The following PGCKA1 variants were observed in gnomAD, a reference collection of about 807,000 sequenced individuals.
PGCKA1 encodes the protein PDCD10 and GCKIII kinases-associated protein 1.
At chr4:37,523,535 G>A in the PGCKA1 span, among the ~76,000 whole-genome samples, 1 of 152,126 alleles carries the variant, frequency 6.6e-6, no homozygotes, top group African/African-American at 2.4e-5. Context: ...AGGGATGACT[G>A]TTGGAGCCTC....
chr4:37,472,496 A>T, the PGCKA1 span, among the ~76,000 whole-genome samples: 1 of 152,202 alleles, frequency 6.6e-6, no homozygotes, highest in South Asian at 2.1e-4. Context: ...CTTATTTAAA[A>T]ATAAAATAAT....
chr4:37,586,801 T>C, the PGCKA1 span, among the ~76,000 whole-genome samples: 1 of 152,044 alleles, frequency 6.6e-6, no homozygotes, highest in Admixed American at 6.5e-5. Context: ...TCCCAGCTAC[T>C]GGGGAGGCTG....
At chr4:37,498,800 A>G in the PGCKA1 span, among the ~76,000 whole-genome samples, 1 of 152,250 alleles carries the variant, frequency 6.6e-6, no homozygotes, top group African/African-American at 2.4e-5. Context: ...CCTTCTTCCT[A>G]TTTGGATACT....
chr4:37,593,289 G>A, the PGCKA1 span, among the ~76,000 whole-genome samples: 1 of 152,176 alleles, frequency 6.6e-6, no homozygotes, highest in Non-Finnish European at 1.5e-5. Flanking sequence ...GAAGTCTGGA[G>A]TTAGTGATCC....
chr4:37,506,786 A>G, the PGCKA1 span, among the ~76,000 whole-genome samples: 1 of 152,062 alleles, frequency 6.6e-6, no homozygotes, highest in East Asian at 1.9e-4. Flanking sequence ...GTAAATATCT[A>G]TTGATTCCAT....
At chr4:37,534,317 T>C in the PGCKA1 span, among the ~76,000 whole-genome samples, 1 of 152,238 alleles carries the variant, frequency 6.6e-6, no homozygotes, top group African/African-American at 2.4e-5. Flanking sequence ...AAATCCATTC[T>C]GGCTTGGCCA....
At chr4:37,547,797 A>G in the PGCKA1 span, among the ~76,000 whole-genome samples, 2 of 152,312 alleles carry the variant, frequency 1.3e-5, no homozygotes, top group South Asian at 4.1e-4. Context: ...TACCAATTCT[A>G]AGTTAATTTA....
At chr4:37,522,352 G>A in the PGCKA1 span, among the ~76,000 whole-genome samples, 1 of 152,158 alleles carries the variant, frequency 6.6e-6, no homozygotes, top group African/African-American at 2.4e-5. Flanking sequence ...TCACCCCATA[G>A]CCACCACCAT....
chr4:37,464,801 C>A, the PGCKA1 span, among the ~76,000 whole-genome samples: 1 of 152,056 alleles, frequency 6.6e-6, no homozygotes, highest in Non-Finnish European at 1.5e-5. Flanking sequence ...CTAAATATAC[C>A]CCAAGCATGT....
chr4:37,533,620 C>T, the PGCKA1 span, among the ~76,000 whole-genome samples: 1 of 152,058 alleles, frequency 6.6e-6, no homozygotes, highest in South Asian at 2.1e-4. Context: ...ATATTTCTAA[C>T]ACTTGTTAAT....
At chr4:37,517,282 A>AT in the PGCKA1 span, among the ~76,000 whole-genome samples, 1 of 147,680 alleles carries the variant, frequency 6.8e-6, no homozygotes, top group African/African-American at 2.5e-5. Context: ...TATATATATA[A>AT]ATATGTATAA....
chr4:37,500,446 C>T, the PGCKA1 span, among the ~76,000 whole-genome samples: 6 of 152,154 alleles, frequency 3.9e-5, no homozygotes, highest in Non-Finnish European at 5.9e-5. Flanking sequence ...ATTTCTCAGT[C>T]TTGATCTCTA....
the PGCKA1 span, among the ~76,000 whole-genome samples, chr4:37,520,590 C>A: frequency 2.0e-5 from 3 of 151,994 alleles, no homozygotes; most frequent in South Asian, 6.3e-4. Context: ...TGAATTTTTA[C>A]AGTATCAGTT....
chr4:37,453,963 G>A, the PGCKA1 span: 119 of 156,282 alleles, frequency 7.6e-4, no homozygotes, highest in African/African-American at 2.8e-3. Flanking sequence ...AGCGTCTCCC[G>A]GCGCGGCTGC....
the PGCKA1 span, among the ~76,000 whole-genome samples, chr4:37,530,749 G>C: frequency 6.6e-6 from 1 of 151,948 alleles, no homozygotes; most frequent in African/African-American, 2.4e-5. Context: ...GACCTAAGCG[G>C]GCGGTTCACT....
the PGCKA1 span, among the ~76,000 whole-genome samples, chr4:37,566,825 G>A: frequency 6.6e-6 from 1 of 151,908 alleles, no homozygotes; most frequent in African/African-American, 2.4e-5. Context: ...CAAGTGATCC[G>A]CCCACCTTGG....
the PGCKA1 span, among the ~76,000 whole-genome samples, chr4:37,458,751 A>G: frequency 6.6e-6 from 1 of 152,210 alleles, no homozygotes; most frequent in Non-Finnish European, 1.5e-5. Flanking sequence ...CTCAGATTCA[A>G]GGGGTGGAGA....
the PGCKA1 span, among the ~76,000 whole-genome samples, chr4:37,570,819 G>C: frequency 1.7e-4 from 26 of 152,262 alleles, no homozygotes; most frequent in Middle Eastern, 3.4e-3. Flanking sequence ...CCTTGGAGCC[G>C]GACGTCCTTG....
the PGCKA1 span, among the ~76,000 whole-genome samples, chr4:37,473,850 C>G: frequency 6.6e-6 from 1 of 152,170 alleles, no homozygotes; most frequent in Non-Finnish European, 1.5e-5. Flanking sequence ...CCCTACACAG[C>G]TACAGATCCA....
Sources: allele counts gnomAD v4.1 joint callset (sites outside exome capture counted in the v4.1 genomes callset), GRCh38; gene constraint gnomAD v4.1.1; transcripts MANE v1.5; gene names NCBI Gene and HGNC (gene_info 2026-07-23, HGNC 2026-07-21).